Variants in KDM6A observed in about 807,000 individuals in gnomAD.
KDM6A encodes lysine demethylase 6A.
A neutral mutation model predicts 117.6 loss-of-function variants in KDM6A; 11 were observed. That is an observed-to-expected ratio of 0.09 (90% CI 0.06 to 0.15). The LOEUF (loss-of-function observed/expected upper bound fraction) is 0.15. Ranked by LOEUF, KDM6A falls within the 10% of genes least tolerant of loss-of-function variation. The pLI is 1.00. For synonymous variants in KDM6A, 384 were observed against 396.1 expected, an observed-to-expected ratio of 0.97 and a Z score of 0.36; for missense variants, 799 against 1,077.3, an observed-to-expected ratio of 0.74 and a Z score of 3.62.
chrX:44,948,318 C>T (rs747157848), intron 2 of KDM6A, among the ~76,000 whole-genome samples: 9 of 111,842 alleles, frequency 8.0e-5, no homozygotes, highest in Non-Finnish European at 1.7e-4. Context: ...TCTTGCCACT[C>T]CTATTACCCA....
intron 2 of KDM6A, among the ~76,000 whole-genome samples, chrX:44,914,203 G>GT (rs1806751511): frequency 8.9e-6 from 1 of 111,966 alleles, no homozygotes; most frequent in South Asian, 3.7e-4. Flanking sequence ...CACTAGTTAT[G>GT]TTTTGGGGGA....
intron 2 of KDM6A, among the ~76,000 whole-genome samples, chrX:44,955,339 T>C (rs1405756824): frequency 9.0e-6 from 1 of 110,546 alleles, no homozygotes; most frequent in Admixed American, 9.7e-5. Flanking sequence ...AAAAAAGATA[T>C]ACAGGAGAAT....
intron 27 of KDM6A, among the ~76,000 whole-genome samples, chrX:45,106,006 TC>T (rs778780067): frequency 9.1e-6 from 1 of 109,422 alleles, no homozygotes; most frequent in Non-Finnish European, 1.9e-5. Context: ...CCAAAACCAT[TC>T]CCCCCCGCCC....
chrX:45,081,939 C>T (rs2045424871), intron 21 of KDM6A, among the ~76,000 whole-genome samples: 2 of 109,208 alleles, frequency 1.8e-5, no homozygotes, highest in East Asian at 2.9e-4. Flanking sequence ...CCCCCATGCC[C>T]GGCTAATTTT....
At chrX:45,082,476 A>C in intron 21 of KDM6A, 100 bp from the exon 22 acceptor site, 2 of 562,895 alleles carry the variant, frequency 3.6e-6, no homozygotes, top group Non-Finnish European at 6.1e-6. Flanking sequence ...AACACAAATA[A>C]TACTATTCAA....
At chrX:44,928,110 A>G (rs2036413025) in intron 2 of KDM6A, among the ~76,000 whole-genome samples, 1 of 112,614 alleles carries the variant, frequency 8.9e-6, no homozygotes, top group Non-Finnish European at 1.9e-5. Context: ...TTCTGTATTT[A>G]AAATACAACA....
At chrX:45,040,901 C>A (rs2043127255) in intron 8 of KDM6A, among the ~76,000 whole-genome samples, 1 of 75,339 alleles carries the variant, frequency 1.3e-5, no homozygotes, top group African/African-American at 5.3e-5. Context: ...CCGGACGGGG[C>A]GGCTGGCCGG....
In KDM6A at chrX:45,005,617, C is replaced by CT. The variant is rs1489741394; in HGVS notation, c.385-5339dup. On this transcript the variant is annotated intron_variant, in intron 4 of 29. Transcript: ENST00000611820. ...AACAGCAATATTTTATCATTTGTTGCTTTTTCCTATGTTTAGTCCTTTCGT... is the reference window on the plus strand; with the variant it reads ...AACAGCAATATTTTATCATTTGTTGCTTTTTTCCTATGTTTAGTCCTTTCGT... Among the ~76,000 whole-genome samples, 4 of 111,173 alleles carry CT rather than the reference C, an allele frequency of 3.6e-5. No individual in the cohort carries two copies. The East Asian group carries it at 1.1e-3, about 32-fold the overall frequency.
intron 27 of KDM6A, among the ~76,000 whole-genome samples, chrX:45,102,919 G>A (rs923328024): frequency 6.3e-5 from 7 of 110,346 alleles, no homozygotes; most frequent in Admixed American, 5.8e-4. Context: ...AGTGACAGGT[G>A]GCAAGAGAGT....
intron 25 of KDM6A, among the ~76,000 whole-genome samples, chrX:45,087,338 A>G (rs1052034512): frequency 2.6e-5 from 3 of 113,285 alleles, no homozygotes; most frequent in Non-Finnish European, 5.6e-5. Flanking sequence ...TTTGCTGTAA[A>G]TATTTGGATT....
At chrX:44,989,666 G>A (rs1024523049) in intron 4 of KDM6A, among the ~76,000 whole-genome samples, 1 of 112,098 alleles carries the variant, frequency 8.9e-6, no homozygotes, top group African/African-American at 3.2e-5. Flanking sequence ...TTGTTTGAGG[G>A]GTTTGGGAAA....
At chrX:44,964,016 C>T (rs1054145792) in intron 3 of KDM6A, among the ~76,000 whole-genome samples, 37 of 110,446 alleles carry the variant, frequency 3.4e-4, no homozygotes, top group Admixed American at 3.1e-3. Context: ...CCACTGCGCC[C>T]GGCCTTTTGA....
chrX:44,924,751 CGAT>C (rs1289483771), intron 2 of KDM6A, among the ~76,000 whole-genome samples: 1 of 109,808 alleles, frequency 9.1e-6, no homozygotes, highest in African/African-American at 3.3e-5. Context: ...TGCAGTGGCA[CGAT>C]CATGTCTCAT....
chrX:44,934,628 A>G (rs952318359), intron 2 of KDM6A, among the ~76,000 whole-genome samples: 2 of 111,384 alleles, frequency 1.8e-5, no homozygotes, highest in Non-Finnish European at 3.8e-5. Context: ...TTTATTACCT[A>G]TATCTGTTTG....
chrX:44,937,259 G>C (rs1203752026), intron 2 of KDM6A, among the ~76,000 whole-genome samples: 2 of 111,074 alleles, frequency 1.8e-5, no homozygotes, highest in African/African-American at 6.5e-5. Flanking sequence ...AATATTTTTG[G>C]TTAGGGGCAA....
intron 2 of KDM6A, among the ~76,000 whole-genome samples, 182 bp from the exon 3 acceptor site, chrX:44,961,102 T>C (rs889340435): frequency 3.6e-5 from 4 of 111,886 alleles, no homozygotes; most frequent in African/African-American, 1.3e-4. Context: ...GCTCTTTTAA[T>C]AAATACATAG....
rs777638843 is a variant in KDM6A at position 45,082,783 on chromosome X, A to C, written c.3434A>C (p.Asp1145Ala). The change falls in exon 23 of 30, where the codon GAC becomes GCC. Residue 1145 changes from aspartate (D) to alanine (A), a missense_variant. Asp to Ala is a moderately radical substitution (Grantham distance 126, BLOSUM62 -2). Around this residue, in one of 8 missense-constraint regions of KDM6A, gnomAD observed 291 missense variants for 437.9 expected, o/e 0.66. Coordinates refer to ENST00000611820, the MANE Select transcript of KDM6A (RefSeq NM_001291415.2). ...KFGTNIDLSD[D>A]KKWKLQLHEL... ...GGGACCAATATTGACCTATCTGATG[A>C]CAAAAAGTAAGTCCTTGTAGTAATA... 2.7e-5 allele frequency: 32 copies of C among 1,166,356 alleles called. No individual in the cohort carries two copies. The highest frequency in any genetic ancestry group is 2.7e-5 in the Non-Finnish European group (23 of 854,630).
intron 4 of KDM6A, among the ~76,000 whole-genome samples, chrX:44,994,851 G>A (rs2040790586): frequency 9.0e-6 from 1 of 111,213 alleles, no homozygotes; most frequent in South Asian, 3.8e-4. Flanking sequence ...GACGGGGTGA[G>A]TGGTTTGGCA....
intron 2 of KDM6A, among the ~76,000 whole-genome samples, chrX:44,910,986 A>G (rs1484751261): frequency 8.9e-6 from 1 of 112,652 alleles, no homozygotes; most frequent in Non-Finnish European, 1.9e-5. Flanking sequence ...CATCGTCATC[A>G]TGGCCCGTTC....
Sources: gnomAD v4.1 joint callset for allele counts (sites outside exome capture counted in the v4.1 genomes callset) on GRCh38, gnomAD v4.1.1 for gene constraint, gnomAD v4.1.1 regional missense constraint, MANE v1.5 for transcripts, NCBI Gene and HGNC (gene_info 2026-07-23, HGNC 2026-07-21) for gene names.